GATB: variants seen among roughly 807,000 people sequenced by gnomAD.
GATB encodes glutamyl-tRNA amidotransferase subunit B.
GATB carries 39 observed loss-of-function variants against 62.3 expected under a neutral mutation model. The ratio of observed to expected loss-of-function variants is 0.63; its 90% CI spans 0.48 to 0.82. The LOEUF (loss-of-function observed/expected upper bound fraction) is 0.82, where lower values mean the gene tolerates loss of function less well. Among genes scored for constraint, GATB ranks in the 40% least tolerant of loss-of-function variants. GATB has a pLI of 0.00. For missense variants in GATB, 670 were observed against 684.0 expected (o/e 0.98, Z 0.23); for synonymous variants, 276 against 258.9 (o/e 1.07, Z -0.63).
intron 2 of GATB, among the ~76,000 whole-genome samples, chr4:151,741,999 T>G (rs560425685): frequency 6.6e-6 from 1 of 152,008 alleles, no homozygotes; most frequent in East Asian, 1.9e-4. Context: ...TAAAAGGTAC[T>G]GGGATGTGCA....
intron 12 of GATB, among the ~76,000 whole-genome samples, chr4:151,672,363 C>T (rs1450214711): frequency 6.6e-6 from 1 of 152,206 alleles, no homozygotes; most frequent in Non-Finnish European, 1.5e-5. Context: ...ACTCTCCCTG[C>T]TCTGCCGGCA....
intron 2 of GATB, among the ~76,000 whole-genome samples, chr4:151,734,568 C>A (rs896801643): frequency 1.3e-5 from 2 of 152,022 alleles, no homozygotes; most frequent in African/African-American, 4.8e-5. Flanking sequence ...ATACCACCAT[C>A]ATTCGTCACA....
intron 2 of GATB, among the ~76,000 whole-genome samples, chr4:151,728,568 A>C (rs1380254198): frequency 6.6e-6 from 1 of 152,208 alleles, no homozygotes; most frequent in South Asian, 2.1e-4. Context: ...ACACAAACTC[A>C]TTCATCTAGA....
At chr4:151,674,029 G>A (rs1737943344) in intron 11 of GATB, 1 of 152,296 alleles carries the variant, frequency 6.6e-6, no homozygotes, top group Admixed American at 6.5e-5. Flanking sequence ...TATCACTGCT[G>A]GGACAGGCAC....
chr4:151,748,213 C>G (rs1360176456), intron 2 of GATB, among the ~76,000 whole-genome samples: 1 of 152,144 alleles, frequency 6.6e-6, no homozygotes, highest in Admixed American at 6.5e-5. Flanking sequence ...CAAGTCAATC[C>G]TAAGCCAAAA....
intron 5 of GATB, among the ~76,000 whole-genome samples, chr4:151,714,348 G>A (rs1057048896): frequency 1.3e-5 from 2 of 152,190 alleles, no homozygotes; most frequent in African/African-American, 4.8e-5. Flanking sequence ...GGTCCTAAAG[G>A]GGTGGGAGGA....
intron 10 of GATB, among the ~76,000 whole-genome samples, chr4:151,687,321 A>G (rs989728519): frequency 6.6e-6 from 1 of 152,192 alleles, no homozygotes; most frequent in African/African-American, 2.4e-5. Context: ...GGAATACGGC[A>G]TCTTCCCTCA....
intron 9 of GATB, among the ~76,000 whole-genome samples, chr4:151,696,494 C>T (rs942588016): frequency 5.9e-5 from 9 of 152,174 alleles, no homozygotes; most frequent in Non-Finnish European, 1.0e-4. Flanking sequence ...TATATGCAAG[C>T]GGGCAGCAGA....
chr4:151,706,473 T>C (rs928566500), intron 6 of GATB, among the ~76,000 whole-genome samples: 2 of 152,240 alleles, frequency 1.3e-5, no homozygotes, highest in African/African-American at 2.4e-5. Flanking sequence ...GGCTTCCTCC[T>C]CACCAACTTG....
intron 11 of GATB, among the ~76,000 whole-genome samples, 179 bp downstream of exon 11, chr4:151,679,634 C>T (rs1738094746): frequency 6.6e-6 from 1 of 152,246 alleles, no homozygotes; most frequent in South Asian, 2.1e-4. Context: ...GCCTGCATTG[C>T]ACATATTGGC....
chr4:151,745,803 G>A (rs190283437), intron 2 of GATB, among the ~76,000 whole-genome samples: 16 of 152,150 alleles, frequency 1.1e-4, no homozygotes, highest in African/African-American at 3.9e-4. Flanking sequence ...TAGCTTCCAG[G>A]GCCAATTCTA....
intron 11 of GATB, 102 bp downstream of exon 11, chr4:151,679,711 T>C (rs1738095841): frequency 1.1e-6 from 1 of 944,008 alleles, no homozygotes; most frequent in Admixed American, 1.7e-5. Context: ...TGGCATTTAA[T>C]ACTTCCATGA....
chr4:151,717,732 G>A (rs973827323), intron 3 of GATB, among the ~76,000 whole-genome samples: 3 of 152,174 alleles, frequency 2.0e-5, no homozygotes, highest in Admixed American at 6.5e-5. Flanking sequence ...AAGTGGAAAG[G>A]AAGAATTACT....
At chr4:151,678,611 G>A (rs948930026) in intron 11 of GATB, among the ~76,000 whole-genome samples, 2 of 152,132 alleles carry the variant, frequency 1.3e-5, no homozygotes, top group African/African-American at 4.8e-5. Flanking sequence ...AGCCTCACTC[G>A]AGGTGGGTAA....
chr4:151,701,585 C>A, intron 8 of GATB, 67 bp from the exon 9 acceptor site: 2 of 1,128,610 alleles, frequency 1.8e-6, no homozygotes, highest in Non-Finnish European at 2.4e-6. Context: ...CAAAACCTCC[C>A]CCAGTAATAT....
At chr4:151,687,468 C>A (rs1255638747) in intron 10 of GATB, among the ~76,000 whole-genome samples, 1 of 152,224 alleles carries the variant, frequency 6.6e-6, no homozygotes, top group African/African-American at 2.4e-5. Context: ...CTTGGCCTAG[C>A]TCACTTCAAC....
chr4:151,676,800 C>T (rs1720496754), intron 11 of GATB, among the ~76,000 whole-genome samples: 1 of 152,194 alleles, frequency 6.6e-6, no homozygotes, highest in Non-Finnish European at 1.5e-5. Flanking sequence ...AACCTCTTAA[C>T]TCCCCTGGCT....
At chr4:151,727,807 A>C (rs1237518026) in intron 2 of GATB, among the ~76,000 whole-genome samples, 2 of 152,202 alleles carry the variant, frequency 1.3e-5, no homozygotes, top group Non-Finnish European at 1.5e-5. Context: ...CACATAGCAG[A>C]CACTTAGTAA....
At chr4:151,694,354 G>C (rs1738427169) in intron 9 of GATB, among the ~76,000 whole-genome samples, 2 of 151,976 alleles carry the variant, frequency 1.3e-5, no homozygotes, top group South Asian at 4.2e-4. Flanking sequence ...AGGATCCTGA[G>C]GTGTCACACG....
Sources: allele counts gnomAD v4.1 joint callset (sites outside exome capture counted in the v4.1 genomes callset), GRCh38; gene constraint gnomAD v4.1.1; transcripts MANE v1.5; gene names NCBI Gene and HGNC (gene_info 2026-07-23, HGNC 2026-07-21).